Variants in PRPF8 observed in about 807,000 individuals in gnomAD.
PRPF8 encodes pre-mRNA-processing-splicing factor 8.
Under a neutral mutation model 285.9 loss-of-function variants are expected in PRPF8, and 64 were observed. That is an observed-to-expected ratio of 0.22 (90% CI 0.18 to 0.28). The LOEUF is 0.28. Among genes scored for constraint, PRPF8 ranks in the 10% least tolerant of loss-of-function variants. The pLI, the probability that PRPF8 is intolerant of heterozygous loss-of-function variation, is 1.00. For missense variants in PRPF8, 1,426 were observed against 3,026.7 expected (o/e 0.47, Z 12.41); for synonymous variants, 1,325 against 1,118.2 (o/e 1.18, Z -3.69).
In PRPF8 at chr17:1,679,262, G is replaced by T; in HGVS notation, c.1409+29C>A. 6.2e-7 allele frequency: 1 copy of T among 1,614,212 alleles called. No individual in the cohort carries two copies. The highest frequency in any genetic ancestry group is 1.1e-5 in the South Asian group (1 of 91,086). ...GCCTACTGATATCTCTGGAACAGAA[G>T]TCTGCGCAGGGCCCCTGGGGCACCT... is the stretch of plus-strand genomic sequence containing the variant. On this transcript the variant is annotated intron_variant, in intron 10 of 42. Coordinates refer to ENST00000304992, the MANE Select transcript of PRPF8 (RefSeq NM_006445.4). The surrounding 1 kb of genome is among the most constrained non-coding windows in gnomAD (Gnocchi z 4.7).
chr17:1,681,384 C>A (rs1220532481), intron 6 of PRPF8, 94 bp downstream of exon 6: 2 of 1,368,698 alleles, frequency 1.5e-6, no homozygotes, highest in Non-Finnish European at 2.1e-6. Flanking sequence ...CTGGTGTAAA[C>A]AGACTAATTT....
chr17:1,666,721 G>C (rs1167119439), intron 24 of PRPF8, among the ~76,000 whole-genome samples: 1 of 152,172 alleles, frequency 6.6e-6, no homozygotes, highest in East Asian at 1.9e-4. Flanking sequence ...AGGTGAAAGA[G>C]TGCGTTGGCT....
chr17:1,670,027 C>G (rs138610964), intron 24 of PRPF8, among the ~76,000 whole-genome samples: 1 of 152,280 alleles, frequency 6.6e-6, no homozygotes, highest in Non-Finnish European at 1.5e-5. Context: ...ACTGCTCTTA[C>G]CTTTCTAGTT....
intron 21 of PRPF8, among the ~76,000 whole-genome samples, 154 bp downstream of exon 21, chr17:1,674,288 C>G (rs528159425): frequency 2.6e-5 from 4 of 152,326 alleles, no homozygotes; most frequent in Admixed American, 6.5e-5. Context: ...TCCCAAAGTG[C>G]TGGGATTACA....
At position 1,660,498 on chromosome 17, in the gene PRPF8, G is replaced by T; in HGVS notation, c.4719C>A (p.Leu1573=). 6.2e-7 allele frequency: 1 copy of T among 1,614,214 alleles called. No individual in the cohort carries two copies. The highest frequency in any genetic ancestry group is 8.5e-7 in the Non-Finnish European group (1 of 1,180,020). ...ACAAGTGAGCTCGGAAGATCTGGAT[G>T]AGAGAGATCTTCAGCGTGGGGATCT... ...HGKIPTLKIS[L]IQIFRAHLWQ... Residue 1573 remains leucine (L), a synonymous_variant, in exon 30 of 43, where the codon CTC becomes CTA. Transcript: ENST00000304992.
chr17:1,677,903 C>G (rs1221055555), intron 13 of PRPF8, among the ~76,000 whole-genome samples: 1 of 152,068 alleles, frequency 6.6e-6, no homozygotes. Flanking sequence ...AAACCAGGAA[C>G]TAAGATCGCC....
Position 1,674,165 on chromosome 17 carries a change from G to T in PRPF8, c.3300-273C>A, listed in dbSNP as rs147747330. ...AGCCTCCGGAGTAGCTGGGACTACA[G>T]GCACCCGCCACCACGCCCAGCTAAT... On this transcript the variant is annotated intron_variant, in intron 21 of 42. Transcript: ENST00000304992. Among the ~76,000 whole-genome samples, 512 of 152,240 alleles carry T rather than the reference G, an allele frequency of 3.4e-3. 3 individuals are homozygous for T. The highest frequency in any genetic ancestry group is 0.011 in the African/African-American group (469 of 41,510).
Position 1,651,289 on chromosome 17 carries a change from T to G in PRPF8, c.6672A>C (p.Thr2224=). The G allele has an allele frequency of 6.2e-7, 1 of 1,614,022 alleles. No individual in the cohort carries two copies. The highest frequency in any genetic ancestry group is 8.5e-7 in the Non-Finnish European group (1 of 1,179,998). ...ITCSFTPGSC[T]LTAYKLTPSG... ...TGGGGGTCAGCTTGTAGGCCGTCAG[T>G]GTACAGGAGCCTGGCGTGAAGCTGG... is the stretch of plus-strand genomic sequence containing the variant. Residue 2224 remains threonine, a synonymous_variant, in exon 42 of 43, where the codon ACA becomes ACC. Transcript: ENST00000304992. This position sits in a 1 kb window ranked among gnomAD's most constrained non-coding sequence, Gnocchi z 5.1.
intron 39 of PRPF8, chr17:1,652,006 C>T: frequency 3.1e-6 from 2 of 652,330 alleles, no homozygotes; most frequent in Admixed American, 4.6e-5. Flanking sequence ...TGAGTGGGGT[C>T]CAGGAATCTG....
At chr17:1,665,300 G>T (rs908480121) in intron 24 of PRPF8, among the ~76,000 whole-genome samples, 1 of 152,054 alleles carries the variant, frequency 6.6e-6, no homozygotes, top group Non-Finnish European at 1.5e-5. Context: ...AGCACTTTGG[G>T]AGGCTGAGGT....
chr17:1,661,757 G>C lies in PRPF8; in HGVS notation c.4056C>G (p.His1352Gln). 6.2e-7 allele frequency: 1 copy of C among 1,614,236 alleles called. No individual in the cohort carries two copies. Among genetic ancestry groups the C allele is most frequent in the East Asian group, 2.2e-5 (1 of 44,894 alleles). Reference sequence around the variant, plus strand: ...CTTCATGGCTCATTCCTGAACGAAAGTGTGTGATACCTACATCTGTCTGTT... The same window carrying C: ...CTTCATGGCTCATTCCTGAACGAAACTGTGTGATACCTACATCTGTCTGTT... Reference protein sequence around the residue: ...WSKQTDVGITHFRSGMSHEED... With the variant: ...WSKQTDVGITQFRSGMSHEED... Residue 1352 changes from histidine to glutamine, a missense_variant, in exon 26 of 43, where the codon CAC (histidine) becomes CAG (glutamine). By Grantham distance (24) the His-to-Gln change is conservative. Transcript: ENST00000304992. The surrounding 1 kb of genome is among the most constrained non-coding windows in gnomAD (Gnocchi z 7.3).
chr17:1,680,741 A>T lies in PRPF8; in HGVS notation c.1083T>A (p.His361Gln). Residue 361 changes from histidine to glutamine, a missense_variant, in exon 8 of 43, where the codon CAT (histidine) becomes CAA (glutamine). Physicochemically the swap from His to Gln is conservative, Grantham distance 24 (BLOSUM62 0). This residue lies in a region of PRPF8 where 137 missense variants were observed against 161.2 expected (regional missense o/e 0.85). Coordinates refer to ENST00000304992, the MANE Select transcript of PRPF8 (RefSeq NM_006445.4). ...CCTTCCTCACCTTGACTGAGTGCCT[A>T]TGGGAGATTGGGTTGATCAAAGGGT... The part of the protein sequence containing the change: ...YFDPLINPIS[H>Q]RHSVKSQEPL... 6.2e-7 allele frequency: 1 copy of T among 1,612,726 alleles called. No individual in the cohort carries two copies. The highest frequency in any genetic ancestry group is 8.5e-7 in the Non-Finnish European group (1 of 1,178,758).
In PRPF8 at chr17:1,676,188, T is replaced by G. The variant is rs376306907; in HGVS notation, c.2552+19A>C. 2.5e-6 allele frequency: 4 copies of G among 1,613,182 alleles called. No homozygotes were observed. The highest frequency in any genetic ancestry group is 1.7e-5 in the Admixed American group (1 of 60,014). ...TGCTGTCACCTTCCCAGCAGGAACC[T>G]ATCTACCCTACTACTCACCTATAAG... On this transcript the variant is annotated intron_variant, in intron 17 of 42. Transcript: ENST00000304992. The surrounding 1 kb of genome is among the most constrained non-coding windows in gnomAD (Gnocchi z 6.3).
chr17:1,683,962 C>T (rs1419919646), intron 2 of PRPF8, among the ~76,000 whole-genome samples: 1 of 151,394 alleles, frequency 6.6e-6, no homozygotes, highest in African/African-American at 2.4e-5. Flanking sequence ...TGTCGGCTCA[C>T]TGCAACCTCC....
In PRPF8 at chr17:1,653,526, G is replaced by A; in HGVS notation, c.6369+16C>T. On this transcript the variant is annotated intron_variant, in intron 39 of 42. Transcript: ENST00000304992. The surrounding 1 kb of genome is among the most constrained non-coding windows in gnomAD (Gnocchi z 4.9). ...GTTGGGCACACACTGTGGCCTAGCTGAGTCCACTTACTCACTTGGGCCCGA... is the reference window on the plus strand; with the variant it reads ...GTTGGGCACACACTGTGGCCTAGCTAAGTCCACTTACTCACTTGGGCCCGA... 1 of 1,614,196 alleles carries A rather than the reference G, an allele frequency of 6.2e-7. No homozygotes were observed. Among genetic ancestry groups the A allele is most frequent in the Non-Finnish European group, 8.5e-7 (1 of 1,180,024 alleles).
Position 1,658,941 on chromosome 17 carries a change from C to T in PRPF8, c.5139-178G>A, listed in dbSNP as rs1911537035. The T allele has an allele frequency of 1.4e-6, 1 of 711,714 alleles. No homozygotes were observed. 44.1% of individuals were successfully genotyped at this position (711,714 alleles called of 1,614,324 possible). A position where few individuals can be genotyped will look rare whatever the true frequency, so the allele number is the denominator to read the frequency against. ...ACCCATAGGAGGAATGGGCCACTTCCTCTCACTTAGGTAAAGTAAAAAAGT... is the reference window on the plus strand; with the variant it reads ...ACCCATAGGAGGAATGGGCCACTTCTTCTCACTTAGGTAAAGTAAAAAAGT... On this transcript the variant is annotated intron_variant, in intron 32 of 42. Transcript: ENST00000304992. This position sits in a 1 kb window ranked among gnomAD's most constrained non-coding sequence, Gnocchi z 4.1.
intron 1 of PRPF8, 87 bp from the exon 2 acceptor site, chr17:1,684,669 C>A (rs1913144560): frequency 8.0e-7 from 1 of 1,255,888 alleles, no homozygotes; most frequent in African/African-American, 1.5e-5. Context: ...GGACCCCGGC[C>A]TGCAGTCCCG....
At chr17:1,652,167 A>G (rs1911114320) in intron 39 of PRPF8, 1 of 367,618 alleles carries the variant, frequency 2.7e-6, no homozygotes, top group South Asian at 2.3e-5. Context: ...CCAAGAAAGA[A>G]AGAGGATCTG....
chr17:1,664,527 C>G (rs79224167), intron 24 of PRPF8, among the ~76,000 whole-genome samples: 1 of 152,238 alleles, frequency 6.6e-6, no homozygotes, highest in Middle Eastern at 3.4e-3. Context: ...TCAGCCTCAG[C>G]CAGGTGCAGT....
Sources: gnomAD v4.1 joint callset for allele counts (sites outside exome capture counted in the v4.1 genomes callset) on GRCh38, gnomAD v4.1.1 for gene constraint, gnomAD v4.1.1 regional missense constraint, Gnocchi (gnomAD v3.1) non-coding constraint, MANE v1.5 for transcripts, NCBI Gene and HGNC (gene_info 2026-07-23, HGNC 2026-07-21) for gene names.